The following KLHL24 variants were observed in gnomAD, a reference collection of about 807,000 sequenced individuals.
The protein encoded by KLHL24 is kelch-like protein 24.
In KLHL24, 29 loss-of-function variants were observed where a neutral mutation model predicts 53.4. The observed-to-expected ratio is 0.54, with a 90% CI of 0.40 to 0.74. The LOEUF (loss-of-function observed/expected upper bound fraction) is 0.74, where lower values mean the gene tolerates loss of function less well. Ranked by LOEUF, KLHL24 falls within the 30% of genes least tolerant of loss-of-function variation. The probability of loss-of-function intolerance (pLI) is 0.00; values close to 1 mark genes in which losing one functional copy is unlikely to be tolerated. For missense variants in KLHL24, 504 were observed against 744.0 expected (o/e 0.68, Z 3.75); for synonymous variants, 222 against 253.7 (o/e 0.88, Z 1.19).
At position 183,646,124 on chromosome 3, in the gene KLHL24, G is replaced by A. The variant is rs183949940; in HGVS notation, c.-62+2582G>A. Among the ~76,000 whole-genome samples the A allele has an allele frequency of 6.6e-5, 10 of 151,438 alleles. 1 individual carries two copies. In the East Asian group the frequency reaches 1.9e-3, roughly 29 times the overall value. Reference sequence around the variant, plus strand: ...TTATGCCTGTAATCCCAGCACTCTGGGAGGCTGAGGCAGATGGACCACTTG... The same window carrying A: ...TTATGCCTGTAATCCCAGCACTCTGAGAGGCTGAGGCAGATGGACCACTTG... On this transcript the variant is annotated intron_variant, in intron 2 of 7. Transcript: ENST00000242810.
intron 7 of KLHL24, among the ~76,000 whole-genome samples, chr3:183,676,916 T>G (rs1711992203): frequency 6.6e-6 from 1 of 151,640 alleles, no homozygotes; most frequent in South Asian, 2.1e-4. Flanking sequence ...TTTGGTTTTT[T>G]TTTTTTTTCT....
In KLHL24 at chr3:183,671,215, C is replaced by T. The variant is rs775343671; in HGVS notation, c.1406C>T (p.Ser469Phe). Reference protein sequence around the residue: ...IGGGPDDNTCSDKVQSYDPET... With the variant: ...IGGGPDDNTCFDKVQSYDPET... ...GGAGGACCTGATGATAATACTTGTT[C>T]TGATAAGGTAAGCCATGCACTTTTA... Residue 469 changes from serine to phenylalanine, a missense_variant, in exon 6 of 8, where the codon TCT becomes TTT. Physicochemically the swap from Ser to Phe is radical, Grantham distance 155. Coordinates refer to ENST00000242810, the MANE Select transcript of KLHL24 (RefSeq NM_017644.3). The T allele has an allele frequency of 6.2e-7, 1 of 1,612,752 alleles. No individual in the cohort carries two copies. Among genetic ancestry groups the T allele is most frequent in the Non-Finnish European group, 8.5e-7 (1 of 1,179,262 alleles).
rs1342685685 is a variant in KLHL24 at position 183,679,268 on chromosome 3, G to C, written c.1785G>C (p.Glu595Asp). The C allele has an allele frequency of 1.2e-6, 2 of 1,613,658 alleles. No individual in the cohort carries two copies. The highest frequency in any genetic ancestry group is 2.7e-5 in the African/African-American group (2 of 74,890). Reference sequence around the variant, plus strand: ...GTGTGACTATTCATAGATACAATGAGAAATGCTTTAAACTCTGAAGACAGG... The same window carrying C: ...GTGTGACTATTCATAGATACAATGACAAATGCTTTAAACTCTGAAGACAGG... ...HGCVTIHRYN[E>D]KCFKL Residue 595 changes from glutamate to aspartate, a missense_variant, in exon 8 of 8, where the codon GAG becomes GAC. By Grantham distance (45) the Glu-to-Asp change is conservative. Transcript: ENST00000242810.
intron 5 of KLHL24, 39 bp downstream of exon 5, chr3:183,665,078 T>C: frequency 9.6e-7 from 1 of 1,045,306 alleles, no homozygotes; most frequent in Non-Finnish European, 1.5e-6. Flanking sequence ...GCTGGTACCT[T>C]TCCAAAGTAA....
At chr3:183,661,791 CA>C (rs963314762) in intron 3 of KLHL24, among the ~76,000 whole-genome samples, 1 of 152,046 alleles carries the variant, frequency 6.6e-6, no homozygotes, top group Admixed American at 6.6e-5. Context: ...AAGGATAAAA[CA>C]AAATCCTATG....
intron 1 of KLHL24, among the ~76,000 whole-genome samples, chr3:183,638,276 G>T (rs1236939170): frequency 6.6e-6 from 1 of 152,228 alleles, no homozygotes; most frequent in Non-Finnish European, 1.5e-5. Context: ...CGTTAAGGCT[G>T]ACTACCAGCT....
At chr3:183,667,480 C>T (rs945909638) in intron 5 of KLHL24, among the ~76,000 whole-genome samples, 1 of 152,106 alleles carries the variant, frequency 6.6e-6, no homozygotes, top group East Asian at 1.9e-4. Context: ...ACATTAGGTT[C>T]TCATAGGAGC....
At chr3:183,640,534 A>G (rs1716218870) in intron 1 of KLHL24, among the ~76,000 whole-genome samples, 2 of 151,786 alleles carry the variant, frequency 1.3e-5, no homozygotes, top group South Asian at 4.1e-4. Flanking sequence ...CTATCATTCT[A>G]TCCAAAGAAA....
At chr3:183,668,467 T>C (rs1720881826) in intron 5 of KLHL24, among the ~76,000 whole-genome samples, 2 of 152,190 alleles carry the variant, frequency 1.3e-5, no homozygotes, top group South Asian at 2.1e-4. Flanking sequence ...AAAATTACAA[T>C]ATAGATTTAA....
At position 183,683,789 on chromosome 3, in the gene KLHL24, T is replaced by G. The variant is rs1305934621; in HGVS notation, c.*4503T>G. ...ATGTGCCTTAAGTTCTCTAGTGCTA[T>G]TTCAACTTTTTTTTCAATCTAAATG... On this transcript the variant is annotated 3_prime_UTR_variant, in exon 8 of 8. Coordinates refer to ENST00000242810, the MANE Select transcript of KLHL24 (RefSeq NM_017644.3). 6.6e-6 allele frequency: 1 copy of G among 152,636 alleles called. No homozygotes were observed. The highest frequency in any genetic ancestry group is 1.5e-5 in the Non-Finnish European group (1 of 68,028). 9.5% of individuals were successfully genotyped at this position (152,636 alleles called of 1,614,324 possible).
intron 2 of KLHL24, among the ~76,000 whole-genome samples, chr3:183,645,140 G>C (rs1255430556): frequency 6.6e-6 from 1 of 152,106 alleles, no homozygotes; most frequent in Non-Finnish European, 1.5e-5. Context: ...GATTAATAAG[G>C]CATTAAGATT....
intron 1 of KLHL24, among the ~76,000 whole-genome samples, chr3:183,642,465 G>A (rs1237101121): frequency 6.6e-6 from 1 of 152,032 alleles, no homozygotes; most frequent in African/African-American, 2.4e-5. Flanking sequence ...GTCTAAACTT[G>A]TTAAGAATTT....
chr3:183,669,548 G>A (rs1447076643), intron 5 of KLHL24, among the ~76,000 whole-genome samples: 7 of 151,910 alleles, frequency 4.6e-5, no homozygotes, highest in Admixed American at 4.6e-4. Flanking sequence ...ATAGTGTTGG[G>A]GACACAAACT....
intron 6 of KLHL24, 55 bp from the exon 7 acceptor site, chr3:183,672,241 G>A (rs1721426297): frequency 1.1e-6 from 1 of 887,790 alleles, no homozygotes; most frequent in Non-Finnish European, 1.6e-6. Flanking sequence ...TCTTTATTAA[G>A]TACATTTCCA....
chr3:183,638,447 C>CTATTA (rs57019191), intron 1 of KLHL24, among the ~76,000 whole-genome samples: 50,712 of 151,724 alleles, frequency 0.33, 9,280 homozygotes, highest in African/African-American at 0.49. Flanking sequence ...TTATTTTTGT[C>CTATTA]TATTTGACAA....
Position 183,663,565 on chromosome 3 carries a change from A to G in KLHL24, c.1028A>G (p.Lys343Arg). Residue 343 changes from lysine (K) to arginine (R), a missense_variant, in exon 4 of 8, where the codon AAG becomes AGG. Lys to Arg is a conservative substitution (Grantham distance 26). Coordinates refer to ENST00000242810, the MANE Select transcript of KLHL24 (RefSeq NM_017644.3). The surrounding 1 kb of genome is among the most constrained non-coding windows in gnomAD (Gnocchi z 4.9). ...TACGATCCTGTAACAGGAGAATGGAAGTCTTTGGCTAAGCTTCCAGAATTT... is the reference window on the plus strand; with the variant it reads ...TACGATCCTGTAACAGGAGAATGGAGGTCTTTGGCTAAGCTTCCAGAATTT... ...ECYDPVTGEW[K>R]SLAKLPEFTK... 6.2e-7 allele frequency: 1 copy of G among 1,609,236 alleles called. No individual in the cohort carries two copies.
rs755337179 is a variant in KLHL24 at position 183,663,437 on chromosome 3, C to A, written c.921-21C>A. ...GTAATATTATTATATTATTTATGTA[C>A]GCTAATAATTATTATTTTAGGTCCA... On this transcript the variant is annotated intron_variant, in intron 3 of 7. Transcript: ENST00000242810. This position sits in a 1 kb window ranked among gnomAD's most constrained non-coding sequence, Gnocchi z 4.9. The A allele has an allele frequency of 7.9e-6, 10 of 1,267,360 alleles. No individual in the cohort carries two copies. The highest frequency in any genetic ancestry group is 1.5e-5 in the African/African-American group (1 of 65,790). 78.5% of individuals were successfully genotyped at this position (1,267,360 alleles called of 1,614,324 possible).
At chr3:183,642,589 T>C in intron 1 of KLHL24, among the ~76,000 whole-genome samples, 1 of 125,754 alleles carries the variant, frequency 8.0e-6, no homozygotes, top group Admixed American at 8.8e-5. Flanking sequence ...GCATTCCTCT[T>C]CTCCCCTTCC....
At chr3:183,637,627 A>C (rs1381813025) in intron 1 of KLHL24, among the ~76,000 whole-genome samples, 1 of 152,110 alleles carries the variant, frequency 6.6e-6, no homozygotes, top group African/African-American at 2.4e-5. Flanking sequence ...ATAGGAATTC[A>C]CTCAAGACTT....
Sources: allele counts gnomAD v4.1 joint callset (sites outside exome capture counted in the v4.1 genomes callset), GRCh38; gene constraint gnomAD v4.1.1; non-coding constraint Gnocchi (gnomAD v3.1); transcripts MANE v1.5; gene names NCBI Gene and HGNC (gene_info 2026-07-23, HGNC 2026-07-21).